The following NLRC3 variants were observed in gnomAD, a reference collection of about 807,000 sequenced individuals.
NLRC3 encodes the protein NLR family CARD domain-containing protein 3.
NLRC3 carries 87 observed loss-of-function variants against 91.6 expected under a neutral mutation model. The observed-to-expected ratio is 0.95, with a 90% confidence interval of 0.80 to 1.14. The LOEUF (loss-of-function observed/expected upper bound fraction) is 1.14, where lower values mean the gene tolerates loss of function less well. NLRC3 is among the 50% of genes most tolerant of loss of function. The pLI is 0.00. For synonymous variants in NLRC3, 694 were observed against 625.3 expected (o/e 1.11, Z -1.64); for missense variants, 1,577 against 1,418.6 (o/e 1.11, Z -1.79).
intron 8 of NLRC3, chr16:3,556,007 A>C (rs2151092854): frequency 6.6e-6 from 1 of 150,876 alleles, no homozygotes; most frequent in East Asian, 1.9e-4. Flanking sequence ...CACTCAGCTA[A>C]GTATAGATAT....
rs2040340751 is a variant in NLRC3, at chr16:3,577,222, G to A, written c.-242C>T. On this transcript the variant is annotated 5_prime_UTR_variant, in exon 1 of 20. Coordinates refer to ENST00000359128, the MANE Select transcript of NLRC3 (RefSeq NM_178844.4). ...GGGGCGTCCATCTCCATGCTCCTGG[G>A]CTCAGCCCTGCTCCAGCTGCGTGGT... The A allele has an allele frequency of 1.4e-6, 1 of 702,620 alleles. No homozygotes were observed. The highest frequency in any genetic ancestry group is 2.6e-6 in the Non-Finnish European group (1 of 384,868). The allele number at this position is 702,620 out of a possible 1,614,324, so 43.5% of individuals were successfully genotyped here.
At chr16:3,551,560 C>T (rs1318733532) in intron 10 of NLRC3, among the ~76,000 whole-genome samples, 2 of 151,046 alleles carry the variant, frequency 1.3e-5, no homozygotes, top group Non-Finnish European at 1.5e-5. Context: ...TCCACCCATC[C>T]ACCAATCCAC....
At chr16:3,577,046 TC>T in intron 1 of NLRC3, 102 bp downstream of exon 1, 2 of 698,274 alleles carry the variant, frequency 2.9e-6, no homozygotes, top group East Asian at 2.7e-5. Context: ...GTCTCCCCAG[TC>T]CCCCTCCCCA....
intron 15 of NLRC3, chr16:3,544,533 T>G: frequency 1.8e-6 from 1 of 570,560 alleles, no homozygotes; most frequent in South Asian, 2.1e-5. Context: ...GGGGCCTGCA[T>G]GAGTCTGAAC....
At chr16:3,566,540 A>T (rs1169215339) in intron 2 of NLRC3, among the ~76,000 whole-genome samples, 1 of 152,160 alleles carries the variant, frequency 6.6e-6, no homozygotes, top group African/African-American at 2.4e-5. Flanking sequence ...AGCCTGACCA[A>T]CATGGAGAAA....
chr16:3,564,629 T>C lies in NLRC3; in HGVS notation c.308A>G (p.Glu103Gly), dbSNP rs1292589019. 1 of 1,608,780 alleles carries C rather than the reference T, an allele frequency of 6.2e-7. No individual in the cohort carries two copies. The highest frequency in any genetic ancestry group is 1.7e-5 in the Admixed American group (1 of 59,990). Residue 103 changes from glutamate to glycine, a missense_variant, in exon 5 of 20, where the codon GAA (glutamate) becomes GGA (glycine). Coordinates refer to ENST00000359128, the MANE Select transcript of NLRC3 (RefSeq NM_178844.4). The surrounding 1 kb of genome is among the most constrained non-coding windows in gnomAD (Gnocchi z 5.9). ...VEGLTDLQLR[E>G]HDFTQVEATR... is the part of the protein sequence containing the mutation. ...GGCCTCCACCTGTGTGAAGTCGTGT[T>C]CCCTCAGCTGCAGGTCCGTCAGGCC...
chr16:3,557,862 G>A (rs577230463), intron 6 of NLRC3, among the ~76,000 whole-genome samples, 186 bp from the exon 7 acceptor site: 6 of 152,324 alleles, frequency 3.9e-5, no homozygotes, highest in East Asian at 3.9e-4. Context: ...CCTGGGCAGC[G>A]TAGGGCCAGA....
intron 2 of NLRC3, among the ~76,000 whole-genome samples, chr16:3,565,874 T>C (rs574490099): frequency 4.6e-4 from 70 of 151,686 alleles, no homozygotes; most frequent in Non-Finnish European, 8.2e-4. Flanking sequence ...AGAACCCATC[T>C]CTAAAATTTT....
chr16:3,565,088 C>A, intron 3 of NLRC3, 28 bp from the exon 4 acceptor site: 1 of 1,546,734 alleles, frequency 6.5e-7, no homozygotes. Context: ...GAACCTGCTG[C>A]CTGCCGTGCC....
chr16:3,564,233 G>T lies in NLRC3; in HGVS notation c.704C>A (p.Ala235Asp). The T allele has an allele frequency of 6.2e-7, 1 of 1,613,132 alleles. No homozygotes were observed. The highest frequency in any genetic ancestry group is 1.1e-5 in the South Asian group (1 of 91,038). ...GATCTCCTTCTTTGGGTCCGTGCAG[G>T]CCACGGTGTTGGAGAAGTCCAGAGG... ...RTPLDFSNTV[A>D]CTDPKKEIPV... Residue 235 changes from alanine to aspartate, a missense_variant, in exon 5 of 20, where the codon GCC (alanine) becomes GAC (aspartate). By Grantham distance (126) the Ala-to-Asp change is moderately radical. Transcript: ENST00000359128. The surrounding 1 kb of genome is among the most constrained non-coding windows in gnomAD (Gnocchi z 5.9).
chr16:3,555,993 T>C (rs530173265), intron 8 of NLRC3: 30 of 150,110 alleles, frequency 2.0e-4, no homozygotes, highest in African/African-American at 7.0e-4. Context: ...AGAAAAGTGG[T>C]ACCCACTCAG....
intron 16 of NLRC3, 195 bp downstream of exon 16, chr16:3,544,051 G>A: frequency 1.8e-6 from 1 of 570,566 alleles, no homozygotes; most frequent in Non-Finnish European, 3.1e-6. Flanking sequence ...ACTACTGTAT[G>A]GGAGGCTGAG....
At chr16:3,548,818 AC>A in intron 13 of NLRC3, 65 bp from the exon 14 acceptor site, 1 of 1,156,488 alleles carries the variant, frequency 8.6e-7, no homozygotes, top group Non-Finnish European at 1.2e-6. Flanking sequence ...GTCCTTGGTC[AC>A]CAGGGATTCC....
intron 9 of NLRC3, 66 bp downstream of exon 9, chr16:3,554,172 TAGGC>T: frequency 8.4e-7 from 1 of 1,189,576 alleles, no homozygotes. Context: ...TAGCAGGTAA[TAGGC>T]AGAGAGGCCC....
At chr16:3,577,083 G>T (rs1223442532) in intron 1 of NLRC3, 66 bp downstream of exon 1, 1 of 702,790 alleles carries the variant, frequency 1.4e-6, no homozygotes, top group Non-Finnish European at 2.6e-6. Flanking sequence ...TAAGGCCACT[G>T]TCCTTCCTGC....
intron 1 of NLRC3, among the ~76,000 whole-genome samples, chr16:3,572,262 C>G (rs1297670461): frequency 6.6e-6 from 1 of 151,494 alleles, no homozygotes; most frequent in African/African-American, 2.4e-5. Context: ...AATATTATAA[C>G]ATAACAGACT....
Position 3,564,031 on chromosome 16 carries a change from G to T in NLRC3, c.906C>A (p.Phe302Leu), listed in dbSNP as rs376783851. 38 of 1,611,198 alleles carry T rather than the reference G, an allele frequency of 2.4e-5. No homozygotes were observed. The highest frequency in any genetic ancestry group is 4.0e-5 in the African/African-American group (3 of 74,952). The part of the protein sequence containing the change: ...EEIKVCLEQM[F>L]PEDQALLGWM... ...AGCCCAGAAGGGCCTGGTCCTCGGG[G>T]AACATCTGCTCCAAACACACCTTGA... The change falls in exon 5 of 20, where the codon TTC (phenylalanine) becomes TTA (leucine). Residue 302 changes from phenylalanine (F) to leucine (L), a missense_variant. Phe to Leu is a conservative substitution (Grantham distance 22). Transcript: ENST00000359128. This position sits in a 1 kb window ranked among gnomAD's most constrained non-coding sequence, Gnocchi z 5.9.
In NLRC3 at chr16:3,549,321, C is replaced by T. The variant is rs1484348551; in HGVS notation, c.2520-96G>A. The T allele has an allele frequency of 3.4e-6, 3 of 889,792 alleles. No individual in the cohort carries two copies. In the African/African-American group the frequency reaches 5.0e-5, roughly 15 times the overall value. The allele number at this position is 889,792 out of a possible 1,614,324, so 55.1% of individuals were successfully genotyped here. On this transcript the variant is annotated intron_variant, in intron 12 of 19. Transcript: ENST00000359128. ...TTTAGGCTTCTTGAAGCCCAAGAAA[C>T]TGCAGGCGGGGGACCTAGAGTTCTG...
chr16:3,550,267 G>A, intron 11 of NLRC3, 147 bp downstream of exon 11: 1 of 613,046 alleles, frequency 1.6e-6, no homozygotes, highest in Non-Finnish European at 2.9e-6. Flanking sequence ...GAGCTGGTGG[G>A]GCAGGGGCTA....
Sources: allele counts gnomAD v4.1 joint callset (sites outside exome capture counted in the v4.1 genomes callset), GRCh38; gene constraint gnomAD v4.1.1; non-coding constraint Gnocchi (gnomAD v3.1); transcripts MANE v1.5; gene names NCBI Gene and HGNC (gene_info 2026-07-23, HGNC 2026-07-21).